Variants in DYNC1I1 observed in about 807,000 individuals in gnomAD.
DYNC1I1 encodes the protein dynein cytoplasmic 1 intermediate chain 1.
In DYNC1I1, 43 loss-of-function variants were observed where a neutral mutation model predicts 86.6. The ratio of observed to expected loss-of-function variants is 0.50; its 90% CI spans 0.39 to 0.64. DYNC1I1 has a LOEUF of 0.64. DYNC1I1 is among the 30% of genes least tolerant of loss of function. DYNC1I1 has a pLI of 0.00. For synonymous variants in DYNC1I1, 262 were observed against 283.7 expected (o/e 0.92, Z 0.77); for missense variants, 604 against 788.8 (o/e 0.77, Z 2.81).
chr7:96,100,787 GA>G (rs1369180861), downstream of DYNC1I1, among the ~76,000 whole-genome samples: 6 of 151,988 alleles, frequency 3.9e-5, no homozygotes, highest in Non-Finnish European at 7.4e-5. Flanking sequence ...TCACTAGAGT[GA>G]AAATGTCTGA....
intron 1 of DYNC1I1, among the ~76,000 whole-genome samples, chr7:95,799,494 C>T (rs1391883731): frequency 6.6e-6 from 1 of 152,176 alleles, no homozygotes; most frequent in Admixed American, 6.5e-5. Flanking sequence ...CATATACCAA[C>T]CCATCCTCTG....
chr7:96,104,750 A>G (rs1318940205), intron 16 of DYNC1I1, among the ~76,000 whole-genome samples: 1 of 152,174 alleles, frequency 6.6e-6, no homozygotes, highest in African/African-American at 2.4e-5. Context: ...CTTATATGAT[A>G]TCACACTGTC....
chr7:95,823,760 G>A (rs1027173214), intron 4 of DYNC1I1, among the ~76,000 whole-genome samples: 1 of 151,530 alleles, frequency 6.6e-6, no homozygotes, highest in African/African-American at 2.4e-5. Context: ...GGTTATTATT[G>A]TTCTCACAAC....
chr7:96,034,020 T>A (rs1584266108), intron 12 of DYNC1I1, among the ~76,000 whole-genome samples: 2 of 148,736 alleles, frequency 1.3e-5, no homozygotes, highest in South Asian at 2.1e-4. Context: ...TTGAAAAAAA[T>A]AATTATTATT....
intron 6 of DYNC1I1, among the ~76,000 whole-genome samples, chr7:95,894,017 C>G (rs1790811143): frequency 6.6e-6 from 1 of 152,208 alleles, no homozygotes; most frequent in South Asian, 2.1e-4. Context: ...TCTGATGAAG[C>G]CTCTGCTGTT....
At chr7:96,030,215 A>G (rs1794774729) in intron 11 of DYNC1I1, among the ~76,000 whole-genome samples, 1 of 152,184 alleles carries the variant, frequency 6.6e-6, no homozygotes, top group African/African-American at 2.4e-5. Context: ...AATCATAAGT[A>G]AAACAAAATC....
chr7:95,874,209 A>G (rs1055096317), intron 6 of DYNC1I1, among the ~76,000 whole-genome samples: 1 of 152,154 alleles, frequency 6.6e-6, no homozygotes, highest in East Asian at 1.9e-4. Flanking sequence ...TTATGTAGCT[A>G]TTTGTTACAG....
At chr7:95,884,747 A>C (rs142157745) in intron 6 of DYNC1I1, among the ~76,000 whole-genome samples, 11 of 151,958 alleles carry the variant, frequency 7.2e-5, no homozygotes, top group African/African-American at 2.4e-4. Context: ...CTGCCTGGGC[A>C]ATATAGCGAG....
intron 16 of DYNC1I1, among the ~76,000 whole-genome samples, chr7:96,087,415 G>A (rs1454803621): frequency 6.6e-6 from 1 of 152,210 alleles, no homozygotes; most frequent in Non-Finnish European, 1.5e-5. Context: ...GAAGAGCACA[G>A]TTGGTCTCAG....
chr7:96,040,238 T>A (rs1046880486), intron 14 of DYNC1I1, among the ~76,000 whole-genome samples: 24 of 151,484 alleles, frequency 1.6e-4, no homozygotes, highest in Admixed American at 4.0e-4. Flanking sequence ...CATCTCAAAA[T>A]TAAAATAAAA....
intron 6 of DYNC1I1, among the ~76,000 whole-genome samples, chr7:95,884,489 C>T (rs1001504830): frequency 6.6e-6 from 1 of 151,648 alleles, no homozygotes; most frequent in African/African-American, 2.4e-5. Flanking sequence ...TGTAGCCTTC[C>T]AGTGAGCAAG....
At chr7:95,886,531 AACCAAGCCAGAATTCACACTC>A (rs1447099488) in intron 6 of DYNC1I1, among the ~76,000 whole-genome samples, 4 of 152,194 alleles carry the variant, frequency 2.6e-5, no homozygotes, top group African/African-American at 9.6e-5. Context: ...GCTAGCAAAT[AACCAAGCCAGAATTCACACTC>A]AGTGCTTCCT....
intron 6 of DYNC1I1, among the ~76,000 whole-genome samples, chr7:95,881,147 G>T (rs1398116511): frequency 6.6e-6 from 1 of 152,134 alleles, no homozygotes; most frequent in Non-Finnish European, 1.5e-5. Flanking sequence ...AAGGGAGAGG[G>T]TTATATTCTA....
intron 6 of DYNC1I1, among the ~76,000 whole-genome samples, chr7:95,882,360 T>A (rs1790476671): frequency 6.6e-6 from 1 of 152,198 alleles, no homozygotes; most frequent in Non-Finnish European, 1.5e-5. Flanking sequence ...CTTAGTCATG[T>A]TGAGCTTTGG....
intron 11 of DYNC1I1, 102 bp downstream of exon 11, chr7:96,028,423 G>A (rs1232767220): frequency 7.0e-7 from 1 of 1,429,928 alleles, no homozygotes; most frequent in Non-Finnish European, 9.3e-7. Flanking sequence ...GCCAAGTTAG[G>A]AGGATCTACT....
At chr7:96,096,667 C>T (rs1179896248) in intron 16 of DYNC1I1, among the ~76,000 whole-genome samples, 3 of 152,076 alleles carry the variant, frequency 2.0e-5, no homozygotes, top group Non-Finnish European at 4.4e-5. Context: ...TTAATTTCCT[C>T]CTCACTGAAT....
At position 96,054,649 on chromosome 7, in the gene DYNC1I1, T is replaced by C. The variant is rs186376524; in HGVS notation, c.1509+15228T>C. On this transcript the variant is annotated intron_variant, in intron 14 of 16. Coordinates refer to ENST00000447467, the MANE Select transcript of DYNC1I1 (RefSeq NM_001135556.2). ...TCTCCACTTCCTCTCCAGCATCTGT[T>C]GTTTCCTGACTTTTTAATGATCTCC... is the stretch of plus-strand genomic sequence containing the variant. 7.6e-3 allele frequency among the ~76,000 whole-genome samples: 1,158 copies of C among 152,328 alleles called. 9 individuals carry two copies. The highest frequency in any genetic ancestry group is 0.026 in the African/African-American group (1,091 of 41,570).
At chr7:95,941,184 T>C (rs1010068760) in intron 6 of DYNC1I1, among the ~76,000 whole-genome samples, 3 of 151,828 alleles carry the variant, frequency 2.0e-5, no homozygotes, top group Non-Finnish European at 2.9e-5. Context: ...AGTACCCGGC[T>C]GTGTGAGGTG....
chr7:96,056,467 T>C (rs1789580474), intron 14 of DYNC1I1, among the ~76,000 whole-genome samples: 1 of 152,196 alleles, frequency 6.6e-6, no homozygotes, highest in Non-Finnish European at 1.5e-5. Context: ...AGAAAGACTA[T>C]ATCTTCTTTA....
Sources: gnomAD v4.1 joint callset for allele counts (sites outside exome capture counted in the v4.1 genomes callset) on GRCh38, gnomAD v4.1.1 for gene constraint, MANE v1.5 for transcripts, NCBI Gene and HGNC (gene_info 2026-07-23, HGNC 2026-07-21) for gene names.